The following ABCD2 variants were observed in gnomAD, a reference collection of about 807,000 sequenced individuals.
ABCD2 encodes the protein ATP binding cassette subfamily D member 2, also known as ATP-binding cassette sub-family D member 2.
ABCD2 carries 36 observed loss-of-function variants against 70.9 expected under a neutral mutation model. That is an observed-to-expected ratio of 0.51 (90% confidence interval 0.39 to 0.67). The LOEUF (loss-of-function observed/expected upper bound fraction) is 0.67. Ranked by LOEUF, ABCD2 falls within the 30% of genes least tolerant of loss-of-function variation. ABCD2 has a pLI of 0.00. For synonymous variants in ABCD2, 304 were observed against 306.9 expected (o/e 0.99, Z 0.10); for missense variants, 729 against 890.2 (o/e 0.82, Z 2.30).
At position 39,605,343 on chromosome 12, in the gene ABCD2, C is replaced by T. The variant is rs142818732; in HGVS notation, c.1237-413G>A. On this transcript the variant is annotated intron_variant, in intron 3 of 9. Transcript: ENST00000308666. Reference sequence around the variant, plus strand: ...GAAGATTTTAAGTAGGAGAAAAGTACCTTTTTGTCCTATTATGAAATGAAT... The same window carrying T: ...GAAGATTTTAAGTAGGAGAAAAGTATCTTTTTGTCCTATTATGAAATGAAT... Among the ~76,000 whole-genome samples the T allele has an allele frequency of 1.5e-3, 226 of 151,924 alleles. 2 individuals are homozygous for T. Among genetic ancestry groups the T allele is most frequent in the African/African-American group, 5.2e-3 (216 of 41,474 alleles).
chr12:39,554,225 A>G, intron 9 of ABCD2, 94 bp from the exon 10 acceptor site: 1 of 1,193,412 alleles, frequency 8.4e-7, no homozygotes, highest in African/African-American at 1.5e-5. Context: ...CCAAAGGCAA[A>G]TTTTAAGTAG....
chr12:39,600,639 C>A lies in ABCD2; in HGVS notation c.1578G>T (p.Gly526=). Residue 526 remains glycine (G), a synonymous_variant, in exon 6 of 10, where the codon GGG becomes GGT. Coordinates refer to ENST00000308666, the MANE Select transcript of ABCD2 (RefSeq NM_005164.4). The part of the protein sequence containing the change: ...GKSSLFRILS[G]LWPVYEGVLY... ...GGACTCCTTCATACACAGGCCAGAG[C>A]CCACTTAGAATTCTGAAGAGAGAAC... The A allele has an allele frequency of 1.2e-6, 2 of 1,612,700 alleles. No homozygotes were observed. Among genetic ancestry groups the A allele is most frequent in the Non-Finnish European group, 1.7e-6 (2 of 1,179,190 alleles).
the ABCD2 span, among the ~76,000 whole-genome samples, chr12:39,538,140 A>G: frequency 8.0e-5 from 12 of 150,124 alleles, no homozygotes; most frequent in African/African-American, 2.7e-4. Context: ...CCACTCCCAC[A>G]CTGTGGAGTG....
At chr12:39,540,728 G>A in the ABCD2 span, among the ~76,000 whole-genome samples, 1 of 152,160 alleles carries the variant, frequency 6.6e-6, no homozygotes, top group Non-Finnish European at 1.5e-5. Context: ...ATGATCCCAG[G>A]TCTTTAGAAA....
At chr12:39,538,111 T>C in the ABCD2 span, among the ~76,000 whole-genome samples, 2 of 151,994 alleles carry the variant, frequency 1.3e-5, no homozygotes, top group South Asian at 2.1e-4. Flanking sequence ...AATGGGGCTC[T>C]TGAGCCCCTA....
In ABCD2 at chr12:39,564,310, A is replaced by G. The variant is rs554223674; in HGVS notation, c.2003+9406T>C. ...ACCTGTTGTTTCCTGACTTTTTAAT[A>G]ATCGCCATTCTAACTGGTGTGAGAT... On this transcript the variant is annotated intron_variant, in intron 9 of 9. Coordinates refer to ENST00000308666, the MANE Select transcript of ABCD2 (RefSeq NM_005164.4). Among the ~76,000 whole-genome samples, 17 of 152,222 alleles carry G rather than the reference A, an allele frequency of 1.1e-4. No individual in the cohort carries two copies. In the East Asian group the frequency reaches 3.1e-3, roughly 28 times the overall value.
chr12:39,542,095 A>T, the ABCD2 span, among the ~76,000 whole-genome samples: 1 of 152,308 alleles, frequency 6.6e-6, no homozygotes, highest in East Asian at 1.9e-4. Flanking sequence ...GTGATCATGC[A>T]TTGAGCTGGA....
the ABCD2 span, among the ~76,000 whole-genome samples, chr12:39,533,238 G>A: frequency 6.6e-6 from 1 of 151,954 alleles, no homozygotes; most frequent in Non-Finnish European, 1.5e-5. Flanking sequence ...TATTCACATG[G>A]CATATAAGAT....
downstream of ABCD2, among the ~76,000 whole-genome samples, chr12:39,548,300 G>T (rs1941045911): frequency 6.6e-6 from 1 of 152,092 alleles, no homozygotes; most frequent in African/African-American, 2.4e-5. Flanking sequence ...TATATTAAAT[G>T]TACTTTTGAT....
chr12:39,587,394 T>G (rs991909841), intron 6 of ABCD2, among the ~76,000 whole-genome samples: 3 of 152,114 alleles, frequency 2.0e-5, no homozygotes, highest in Non-Finnish European at 2.9e-5. Flanking sequence ...CTGTGTACAG[T>G]AGGATGTTTA....
chr12:39,604,829 T>A lies in ABCD2; in HGVS notation c.1338A>T (p.Glu446Asp), dbSNP rs1319716387. 6.2e-7 allele frequency: 1 copy of A among 1,612,468 alleles called. No homozygotes were observed. Among genetic ancestry groups the A allele is most frequent in the Non-Finnish European group, 8.5e-7 (1 of 1,179,212 alleles). ...CTCCATTCTTGCTATGGCTTTCAGATTCTTGAATGACAGCAGTTCTCTTAT... is the reference window on the plus strand; with the variant it reads ...CTCCATTCTTGCTATGGCTTTCAGAATCTTGAATGACAGCAGTTCTCTTAT... Reference protein sequence around the residue: ...GIYKRTAVIQESESHSKNGAK... With the variant: ...GIYKRTAVIQDSESHSKNGAK... The change falls in exon 4 of 10, where the codon GAA becomes GAT. Residue 446 changes from glutamate to aspartate, a missense_variant. By Grantham distance (45) the Glu-to-Asp change is conservative. Coordinates refer to ENST00000308666, the MANE Select transcript of ABCD2 (RefSeq NM_005164.4).
At chr12:39,565,995 G>A (rs1001356421) in intron 9 of ABCD2, among the ~76,000 whole-genome samples, 3 of 152,130 alleles carry the variant, frequency 2.0e-5, no homozygotes, top group African/African-American at 7.2e-5. Flanking sequence ...GATCATGGTG[G>A]ATAAGCTTTT....
chr12:39,534,894 AAGAAAG>A, the ABCD2 span, among the ~76,000 whole-genome samples: 2 of 35,436 alleles, frequency 5.6e-5, no homozygotes, highest in Admixed American at 4.9e-4. Context: ...GAAAGAAAGA[AAGAAAG>A]AAAGAAAGAA....
downstream of ABCD2, among the ~76,000 whole-genome samples, chr12:39,548,654 T>C (rs1941049871): frequency 6.6e-6 from 1 of 151,726 alleles, no homozygotes; most frequent in Admixed American, 6.6e-5. Context: ...GTAGGTCCAA[T>C]GCATTTTAAT....
At chr12:39,554,232 G>A in intron 9 of ABCD2, 101 bp from the exon 10 acceptor site, 1 of 1,111,364 alleles carries the variant, frequency 9.0e-7, no homozygotes, top group East Asian at 2.6e-5. Context: ...CAAATTTTAA[G>A]TAGGTGCTAT....
chr12:39,553,868 G>C lies in ABCD2; in HGVS notation c.*44C>G, dbSNP rs765117613. On this transcript the variant is annotated 3_prime_UTR_variant, in exon 10 of 10. Transcript: ENST00000308666. ...TCATGCAGTATAACAGAATGTCTTTGAGCCTTTATCTAATAATTAACTTTT... is the reference window on the plus strand; with the variant it reads ...TCATGCAGTATAACAGAATGTCTTTCAGCCTTTATCTAATAATTAACTTTT... 3 of 1,412,942 alleles carry C rather than the reference G, an allele frequency of 2.1e-6. No individual in the cohort carries two copies. The highest frequency in any genetic ancestry group is 2.9e-6 in the Non-Finnish European group (3 of 1,027,768). The allele number at this position is 1,412,942 out of a possible 1,614,324, so 87.5% of individuals were successfully genotyped here. A position where few individuals can be genotyped will look rare whatever the true frequency, so the allele number is the denominator to read the frequency against.
chr12:39,592,419 C>A (rs1941758961), intron 6 of ABCD2, among the ~76,000 whole-genome samples: 1 of 152,154 alleles, frequency 6.6e-6, no homozygotes. Context: ...TTCATTCATT[C>A]AGTCAATCAC....
At chr12:39,563,320 G>T (rs1053503807) in intron 9 of ABCD2, among the ~76,000 whole-genome samples, 3 of 152,032 alleles carry the variant, frequency 2.0e-5, no homozygotes, top group Admixed American at 6.6e-5. Context: ...GATCCTAGGG[G>T]TTTTTTGGTT....
chr12:39,534,760 G>GAGAAAGAAAGAA, the ABCD2 span, among the ~76,000 whole-genome samples: 514 of 113,240 alleles, frequency 4.5e-3, 4 homozygotes, highest in African/African-American at 0.016. Context: ...AAGAAAGAAA[G>GAGAAAGAAAGAA]AGAAAGAAAG....
Sources: gnomAD v4.1 joint callset for allele counts (sites outside exome capture counted in the v4.1 genomes callset) on GRCh38, gnomAD v4.1.1 for gene constraint, MANE v1.5 for transcripts, NCBI Gene and HGNC (gene_info 2026-07-23, HGNC 2026-07-21) for gene names.